The following SLC6A11 variants were observed in gnomAD, a reference collection of about 807,000 sequenced individuals.
SLC6A11 encodes sodium- and chloride-dependent GABA transporter 3.
Under a neutral mutation model 74.8 loss-of-function variants are expected in SLC6A11, and 25 were observed. The ratio of observed to expected loss-of-function variants is 0.33; its 90% CI spans 0.24 to 0.47. The LOEUF is 0.47. SLC6A11 is among the 20% of genes least tolerant of loss of function. SLC6A11 has a pLI of 1.00. For synonymous variants in SLC6A11, 330 were observed against 330.2 expected, an observed-to-expected ratio of 1.00 and a Z score of 0.01; for missense variants, 574 against 837.0, an observed-to-expected ratio of 0.69 and a Z score of 3.88.
chr3:10,900,698 G>T (rs75137655), intron 6 of SLC6A11, among the ~76,000 whole-genome samples: 3,165 of 152,266 alleles, frequency 0.021, 102 homozygotes, highest in East Asian at 0.15. Flanking sequence ...ATGTGGTTCT[G>T]GGGGGAGATG....
chr3:10,927,049 C>G (rs1263545278), intron 9 of SLC6A11, among the ~76,000 whole-genome samples: 1 of 152,210 alleles, frequency 6.6e-6, no homozygotes, highest in Non-Finnish European at 1.5e-5. Flanking sequence ...GCCGCCCTCA[C>G]CCATGACCTT....
intron 8 of SLC6A11, among the ~76,000 whole-genome samples, chr3:10,920,330 G>T (rs184032796): frequency 6.6e-6 from 1 of 152,126 alleles, no homozygotes; most frequent in Non-Finnish European, 1.5e-5. Context: ...CAAATCCAAC[G>T]CAACACCTTG....
intron 5 of SLC6A11, among the ~76,000 whole-genome samples, chr3:10,856,558 G>A (rs1309441707): frequency 2.0e-5 from 3 of 152,202 alleles, no homozygotes; most frequent in Non-Finnish European, 4.4e-5. Flanking sequence ...CACACAGTTG[G>A]TGGAGGAGTC....
At position 10,938,341 on chromosome 3, in the gene SLC6A11, A is replaced by T. The variant is rs1171624319; in HGVS notation, c.1838A>T (p.Asp613Val). The T allele has an allele frequency of 2.5e-6, 4 of 1,612,958 alleles. No homozygotes were observed. The highest frequency in any genetic ancestry group is 3.4e-6 in the Non-Finnish European group (4 of 1,179,240). ...SPRMVTVNDC[D>V]AKLKSDGTIA... ...CGGATGGTGACAGTTAATGACTGTGATGCCAAACTCAAGAGTGACGGGACC... is the reference window on the plus strand; with the variant it reads ...CGGATGGTGACAGTTAATGACTGTGTTGCCAAACTCAAGAGTGACGGGACC... The change falls in exon 14 of 14, where the codon GAT becomes GTT. Residue 613 changes from aspartate to valine, a missense_variant. By Grantham distance (152) the Asp-to-Val change is radical (BLOSUM62 -3). Coordinates refer to ENST00000254488, the MANE Select transcript of SLC6A11 (RefSeq NM_014229.3).
chr3:10,850,476 A>G (rs1307573630), intron 5 of SLC6A11, among the ~76,000 whole-genome samples: 1 of 152,204 alleles, frequency 6.6e-6, no homozygotes, highest in African/African-American at 2.4e-5. Flanking sequence ...AAAGATGGAA[A>G]ATAAACAAGC....
intron 12 of SLC6A11, 29 bp from the exon 13 acceptor site, chr3:10,935,000 C>G (rs1200216616): frequency 1.2e-6 from 2 of 1,602,572 alleles, no homozygotes; most frequent in South Asian, 1.1e-5. Flanking sequence ...GGGCCCATCC[C>G]CCAGGCACCT....
chr3:10,938,132 C>A, intron 13 of SLC6A11, 118 bp from the exon 14 acceptor site: 2 of 996,208 alleles, frequency 2.0e-6, no homozygotes, highest in Non-Finnish European at 2.9e-6. Flanking sequence ...GGGCCCGGAC[C>A]TTGGTCTGAG....
Position 10,934,054 on chromosome 3 carries a change from T to G in SLC6A11, c.1475-12T>G. ...GGGGTGTGTATGTTCCCCTCTGATT[T>G]ATTCCGGACAGGAAGCAACCGGTTC... On this transcript the variant is annotated splice_polypyrimidine_tract_variant and intron_variant, in intron 11 of 13. Transcript: ENST00000254488. The G allele has an allele frequency of 1.3e-6, 2 of 1,598,070 alleles. No individual in the cohort carries two copies. The highest frequency in any genetic ancestry group is 1.7e-6 in the Non-Finnish European group (2 of 1,165,406).
chr3:10,900,352 C>T (rs1490853006), intron 6 of SLC6A11, among the ~76,000 whole-genome samples: 3 of 152,112 alleles, frequency 2.0e-5, no homozygotes, highest in African/African-American at 7.2e-5. Context: ...TTCTTGAGTG[C>T]TTATCATGTG....
At chr3:10,824,489 C>T (rs931555343) in intron 4 of SLC6A11, 1 of 152,212 alleles carries the variant, frequency 6.6e-6, no homozygotes, top group Non-Finnish European at 1.5e-5. Context: ...ATTTACCACT[C>T]TCATATAAAT....
intron 1 of SLC6A11, among the ~76,000 whole-genome samples, chr3:10,817,643 G>A (rs1289023763): frequency 1.3e-5 from 2 of 152,242 alleles, no homozygotes; most frequent in African/African-American, 2.4e-5. Flanking sequence ...GCAGGGACCG[G>A]GCTATGAGTC....
At chr3:10,877,706 T>C (rs1003082176) in intron 6 of SLC6A11, among the ~76,000 whole-genome samples, 3 of 152,136 alleles carry the variant, frequency 2.0e-5, no homozygotes, top group African/African-American at 7.2e-5. Context: ...TGTCAATTAG[T>C]ACCACAGGGA....
At chr3:10,856,790 C>T (rs1694643391) in intron 5 of SLC6A11, among the ~76,000 whole-genome samples, 1 of 152,308 alleles carries the variant, frequency 6.6e-6, no homozygotes, top group African/African-American at 2.4e-5. Context: ...TCCACCACCT[C>T]TGGAACCAGG....
At chr3:10,924,553 G>A (rs939289504) in intron 8 of SLC6A11, among the ~76,000 whole-genome samples, 3 of 152,190 alleles carry the variant, frequency 2.0e-5, no homozygotes, top group Admixed American at 2.0e-4. Flanking sequence ...AAAATGGAAA[G>A]GCAAGCCACA....
At chr3:10,865,933 C>T (rs1027952529) in intron 5 of SLC6A11, among the ~76,000 whole-genome samples, 1 of 152,142 alleles carries the variant, frequency 6.6e-6, no homozygotes, top group African/African-American at 2.4e-5. Context: ...TGAGAAACAA[C>T]AAAACAGCAA....
At chr3:10,862,097 T>C (rs1039654106) in intron 5 of SLC6A11, among the ~76,000 whole-genome samples, 3 of 152,202 alleles carry the variant, frequency 2.0e-5, no homozygotes, top group African/African-American at 7.2e-5. Flanking sequence ...GTGGTGCTTC[T>C]CATCTGGCAG....
chr3:10,920,111 A>C (rs1575703697), intron 8 of SLC6A11, among the ~76,000 whole-genome samples: 2 of 152,060 alleles, frequency 1.3e-5, no homozygotes, highest in African/African-American at 4.8e-5. Context: ...GCACCCTGAA[A>C]CTCCCTCGCA....
intron 5 of SLC6A11, among the ~76,000 whole-genome samples, chr3:10,844,902 C>T (rs1694484453): frequency 6.6e-6 from 1 of 152,184 alleles, no homozygotes; most frequent in African/African-American, 2.4e-5. Context: ...CTTTTAACTG[C>T]CATGGCCTGG....
intron 4 of SLC6A11, among the ~76,000 whole-genome samples, chr3:10,843,674 A>G (rs1010125911): frequency 6.6e-6 from 1 of 152,182 alleles, no homozygotes; most frequent in African/African-American, 2.4e-5. Flanking sequence ...GTGGTCACTC[A>G]GGAACTCAGG....
Sources: allele counts gnomAD v4.1 joint callset (sites outside exome capture counted in the v4.1 genomes callset), GRCh38; gene constraint gnomAD v4.1.1; transcripts MANE v1.5; gene names NCBI Gene and HGNC (gene_info 2026-07-23, HGNC 2026-07-21).